The following KCNIP4 variants were observed in gnomAD, a reference collection of about 807,000 sequenced individuals.
The protein encoded by KCNIP4 is Kv channel-interacting protein 4.
KCNIP4 carries 12 observed loss-of-function variants against 34.0 expected under a neutral mutation model. The ratio of observed to expected loss-of-function variants is 0.35; its 90% CI spans 0.23 to 0.57. The LOEUF (loss-of-function observed/expected upper bound fraction) is 0.57. Ranked by LOEUF, KCNIP4 falls within the 20% of genes least tolerant of loss-of-function variation. KCNIP4 has a pLI of 0.83. For synonymous variants in KCNIP4, 124 were observed against 102.2 expected (o/e 1.21, Z -1.29); for missense variants, 238 against 311.7 (o/e 0.76, Z 1.78).
At chr4:21,588,938 C>A (rs1316731221) in intron 1 of KCNIP4, among the ~76,000 whole-genome samples, 1 of 151,254 alleles carries the variant, frequency 6.6e-6, no homozygotes, top group East Asian at 2.0e-4. Flanking sequence ...AACTAATCAC[C>A]TTTTCATCCA....
chr4:21,304,012 G>C, intron 1 of KCNIP4: 1 of 1,249,784 alleles, frequency 8.0e-7, no homozygotes. Context: ...GCTGGAGAAA[G>C]GGGAGGAGGA....
At chr4:21,033,640 C>T (rs972977090) in intron 1 of KCNIP4, among the ~76,000 whole-genome samples, 1 of 152,066 alleles carries the variant, frequency 6.6e-6, no homozygotes, top group African/African-American at 2.4e-5. Flanking sequence ...TAGTATCAAA[C>T]ATATGTCAGG....
chr4:20,750,770 A>T (rs945558506), intron 4 of KCNIP4, among the ~76,000 whole-genome samples: 1 of 152,048 alleles, frequency 6.6e-6, no homozygotes, highest in Non-Finnish European at 1.5e-5. Context: ...TTAGCCTTTT[A>T]TCTTAACCTT....
chr4:21,087,146 A>ATGTATG (rs1746525815), intron 1 of KCNIP4, among the ~76,000 whole-genome samples: 2 of 110,920 alleles, frequency 1.8e-5, no homozygotes, highest in Admixed American at 9.7e-5. Flanking sequence ...CTGCTGGGTA[A>ATGTATG]TGTGTGTGTG....
chr4:21,776,021 C>A (rs181654788), intron 1 of KCNIP4, among the ~76,000 whole-genome samples: 2 of 152,336 alleles, frequency 1.3e-5, no homozygotes, highest in Middle Eastern at 3.4e-3. Flanking sequence ...AGCTGAGAGG[C>A]TGCAAGAATC....
chr4:21,808,995 C>A (rs1721464888), intron 1 of KCNIP4, among the ~76,000 whole-genome samples: 1 of 152,120 alleles, frequency 6.6e-6, no homozygotes, highest in South Asian at 2.1e-4. Flanking sequence ...GCAATAAAGT[C>A]CATGATAAAT....
intron 1 of KCNIP4, among the ~76,000 whole-genome samples, chr4:21,608,298 T>G (rs1374648346): frequency 6.6e-6 from 1 of 152,212 alleles, no homozygotes; most frequent in African/African-American, 2.4e-5. Context: ...TAAAGGTGTC[T>G]GCGGGGCTGC....
At chr4:21,394,550 C>T (rs1352314171) in intron 1 of KCNIP4, among the ~76,000 whole-genome samples, 1 of 152,140 alleles carries the variant, frequency 6.6e-6, no homozygotes, top group Non-Finnish European at 1.5e-5. Flanking sequence ...TGCAATGTTG[C>T]TAACCTGGGA....
chr4:20,729,259 C>CATATGTCT lies in KCNIP4; in HGVS notation c.*815_*822dup, dbSNP rs1199664884. 7 of 151,954 alleles carry CATATGTCT rather than the reference C, an allele frequency of 4.6e-5. No homozygotes were observed. The East Asian group carries it at 1.2e-3, about 26-fold the overall frequency. 9.4% of individuals were successfully genotyped at this position (151,954 alleles called of 1,614,324 possible). ...GGAGGATAGATATCCTGACCCTTTGCATATGTCTGTAAACATCCTTGTTTT... is the reference window on the plus strand; with the variant it reads ...GGAGGATAGATATCCTGACCCTTTGCATATGTCTATATGTCTGTAAACATCCTTGTTTT... On this transcript the variant is annotated 3_prime_UTR_variant, in exon 9 of 9. Transcript: ENST00000382152.
intron 2 of KCNIP4, 97 bp from the exon 3 acceptor site, chr4:20,850,764 G>A: frequency 7.2e-7 from 1 of 1,384,424 alleles, no homozygotes. Context: ...GTCTGCTAAT[G>A]TCTGTGACTG....
intron 1 of KCNIP4, among the ~76,000 whole-genome samples, chr4:21,762,722 A>G (rs1718142598): frequency 6.6e-6 from 1 of 152,112 alleles, no homozygotes; most frequent in Non-Finnish European, 1.5e-5. Context: ...ACATTTAAAC[A>G]CTTTACCAGC....
chr4:21,432,099 T>TATATAC (rs1726524116), intron 1 of KCNIP4, among the ~76,000 whole-genome samples: 1 of 45,376 alleles, frequency 2.2e-5, no homozygotes, highest in Non-Finnish European at 4.3e-5. Flanking sequence ...AGCATATATA[T>TATATAC]ATATATATAT....
intron 1 of KCNIP4, among the ~76,000 whole-genome samples, chr4:21,465,492 C>T (rs1172333374): frequency 2.0e-5 from 3 of 152,144 alleles, no homozygotes; most frequent in Non-Finnish European, 2.9e-5. Flanking sequence ...ATGTCTAGGG[C>T]AATGCCCAGT....
intron 1 of KCNIP4, among the ~76,000 whole-genome samples, chr4:21,247,663 A>C (rs1351092522): frequency 1.6e-5 from 2 of 128,082 alleles, no homozygotes; most frequent in Non-Finnish European, 3.0e-5. Context: ...CTATATATTT[A>C]GATATATCTA....
intron 1 of KCNIP4, among the ~76,000 whole-genome samples, chr4:21,152,210 A>G (rs968748557): frequency 6.6e-6 from 1 of 152,092 alleles, no homozygotes; most frequent in Admixed American, 6.6e-5. Context: ...CCCAGATAGC[A>G]CCACTGCACT....
chr4:20,837,740 CA>C (rs1335947993), intron 3 of KCNIP4, among the ~76,000 whole-genome samples: 1 of 148,588 alleles, frequency 6.7e-6, no homozygotes, highest in Admixed American at 6.8e-5. Context: ...TGGAGTACAG[CA>C]GTGCAATCTT....
chr4:21,719,159 G>A (rs1018758628), intron 1 of KCNIP4: 1 of 152,166 alleles, frequency 6.6e-6, no homozygotes. Context: ...ACCAAAAACA[G>A]ATACACATCT....
At chr4:21,195,343 G>A (rs1334223447) in intron 1 of KCNIP4, among the ~76,000 whole-genome samples, 2 of 152,198 alleles carry the variant, frequency 1.3e-5, no homozygotes, top group South Asian at 2.1e-4. Flanking sequence ...TACAGATAAA[G>A]TCTTATTTAT....
intron 2 of KCNIP4, among the ~76,000 whole-genome samples, chr4:20,873,852 A>G (rs1366668655): frequency 2.6e-5 from 4 of 152,168 alleles, no homozygotes; most frequent in African/African-American, 4.8e-5. Flanking sequence ...CTTCTCTTTC[A>G]TACTTCTTGC....
Sources: allele counts gnomAD v4.1 joint callset (sites outside exome capture counted in the v4.1 genomes callset), GRCh38; gene constraint gnomAD v4.1.1; transcripts MANE v1.5; gene names NCBI Gene and HGNC (gene_info 2026-07-23, HGNC 2026-07-21).